Variants in ARAP2 observed in about 807,000 individuals in gnomAD.
ARAP2 encodes the protein arf-GAP with Rho-GAP domain, ANK repeat and PH domain-containing protein 2.
ARAP2 carries 148 observed loss-of-function variants against 194.5 expected under a neutral mutation model. That is an observed-to-expected ratio of 0.76 (90% confidence interval 0.67 to 0.87). The LOEUF (loss-of-function observed/expected upper bound fraction) is 0.87. ARAP2 is among the 40% of genes least tolerant of loss of function. ARAP2 has a pLI of 0.00. For missense variants in ARAP2, 2,128 were observed against 1,989.7 expected (o/e 1.07, Z -1.32); for synonymous variants, 695 against 683.5 (o/e 1.02, Z -0.26).
intron 23 of ARAP2, 84 bp downstream of exon 23, chr4:36,121,095 T>A: frequency 1.9e-6 from 2 of 1,042,768 alleles, no homozygotes; most frequent in Middle Eastern, 2.8e-4. Context: ...AAGATCTGAA[T>A]AATAACACCC....
intron 7 of ARAP2, among the ~76,000 whole-genome samples, chr4:36,190,409 A>G (rs1168914017): frequency 6.6e-6 from 1 of 152,202 alleles, no homozygotes; most frequent in Non-Finnish European, 1.5e-5. Flanking sequence ...ACCACCTTTC[A>G]TGTAGTTAAT....
At chr4:36,214,214 A>G (rs1294862625) in intron 3 of ARAP2, among the ~76,000 whole-genome samples, 5 of 152,212 alleles carry the variant, frequency 3.3e-5, no homozygotes, top group Non-Finnish European at 7.4e-5. Flanking sequence ...TTACATTAGC[A>G]TGTACAAATT....
chr4:36,228,384 C>T (rs945000259), intron 2 of ARAP2, among the ~76,000 whole-genome samples, 198 bp downstream of exon 2: 3 of 152,058 alleles, frequency 2.0e-5, no homozygotes, highest in African/African-American at 7.2e-5. Context: ...GCTAAAGAGT[C>T]CCAGGCATTA....
At chr4:36,057,614 T>C (rs549193923) in intron 2 of ARAP2, among the ~76,000 whole-genome samples, 7 of 152,230 alleles carry the variant, frequency 4.6e-5, no homozygotes, top group Non-Finnish European at 1.0e-4. Context: ...TAACCGTTGG[T>C]GCATGTCAAT....
At chr4:36,129,602 A>C (rs958774242) in intron 20 of ARAP2, among the ~76,000 whole-genome samples, 2 of 151,628 alleles carry the variant, frequency 1.3e-5, no homozygotes, top group Non-Finnish European at 2.9e-5. Context: ...TCATAATTTC[A>C]TATCTCTTTT....
At chr4:36,116,449 A>T (rs1356475867) in intron 25 of ARAP2, among the ~76,000 whole-genome samples, 1 of 151,916 alleles carries the variant, frequency 6.6e-6, no homozygotes, top group Non-Finnish European at 1.5e-5. Context: ...ATATAGTAGC[A>T]TGTCAAACAT....
At chr4:36,196,315 G>T (rs1743101836) in intron 6 of ARAP2, among the ~76,000 whole-genome samples, 2 of 152,166 alleles carry the variant, frequency 1.3e-5, no homozygotes, top group Admixed American at 1.3e-4. Context: ...GAGGGGAAGA[G>T]GGAGGGCCGA....
intron 20 of ARAP2, 102 bp from the exon 21 acceptor site, chr4:36,128,847 A>G: frequency 1.1e-6 from 1 of 921,472 alleles, no homozygotes; most frequent in Non-Finnish European, 1.6e-6. Context: ...CGAGAAGATG[A>G]TGAAATCATT....
rs78952938 is a variant in ARAP2, at chr4:36,161,395, A to T, written c.2259+70T>A. 211 of 1,331,186 alleles carry T rather than the reference A, an allele frequency of 1.6e-4. No homozygotes were observed. In the African/African-American group the frequency reaches 2.7e-3, roughly 17 times the overall value. The allele number at this position is 1,331,186 out of a possible 1,614,324, so 82.5% of individuals were successfully genotyped here. The stretch of plus-strand genomic sequence containing the variant: ...AAAAATTCCTGCCACCCAAACCCAC[A>T]GCAAACCTCCTCCCAGTCTCTGCAA... On this transcript the variant is annotated intron_variant, in intron 12 of 32. Coordinates refer to ENST00000303965, the MANE Select transcript of ARAP2 (RefSeq NM_015230.4).
At chr4:36,198,560 C>G (rs941786357) in intron 6 of ARAP2, among the ~76,000 whole-genome samples, 1 of 152,214 alleles carries the variant, frequency 6.6e-6, no homozygotes, top group African/African-American at 2.4e-5. Context: ...TCAGCGCTTC[C>G]TTGGCTTTCC....
intron 2 of ARAP2, among the ~76,000 whole-genome samples, chr4:36,217,240 G>A (rs902032103): frequency 1.1e-4 from 16 of 152,202 alleles, no homozygotes; most frequent in African/African-American, 3.9e-4. Context: ...AGCCAAGCAT[G>A]GTGGCTCACA....
chr4:36,015,447 C>A (rs1226292396), exon 8 of ARAP2: 1 of 152,208 alleles, frequency 6.6e-6, no homozygotes, highest in Non-Finnish European at 1.5e-5. Context: ...TCTTTGGGAT[C>A]ATTCAGGCAG....
At chr4:36,170,595 C>A (rs1736389962) in intron 9 of ARAP2, among the ~76,000 whole-genome samples, 2 of 152,216 alleles carry the variant, frequency 1.3e-5, no homozygotes, top group Admixed American at 6.5e-5. Flanking sequence ...TGGGTGCCAA[C>A]TCCTGCATTA....
chr4:36,225,925 C>T (rs1023018093), intron 2 of ARAP2, among the ~76,000 whole-genome samples: 5 of 152,044 alleles, frequency 3.3e-5, no homozygotes, highest in Non-Finnish European at 4.4e-5. Flanking sequence ...GAGAAACTCA[C>T]GTTACATAAC....
At chr4:36,138,043 T>A (rs1159695692) in intron 19 of ARAP2, among the ~76,000 whole-genome samples, 2 of 151,728 alleles carry the variant, frequency 1.3e-5, no homozygotes, top group Non-Finnish European at 2.9e-5. Context: ...ATCCTAGGCA[T>A]GTTGGAAATG....
At chr4:36,080,342 C>G (rs933871804) in intron 30 of ARAP2, 63 bp from the exon 31 acceptor site, 1 of 1,347,810 alleles carries the variant, frequency 7.4e-7, no homozygotes, top group Non-Finnish European at 1.1e-6. Context: ...TCTAGTGTAT[C>G]TGCTGAGTGA....
At chr4:36,076,980 T>C (rs1228058019) in intron 31 of ARAP2, among the ~76,000 whole-genome samples, 1 of 152,136 alleles carries the variant, frequency 6.6e-6, no homozygotes, top group African/African-American at 2.4e-5. Flanking sequence ...AAGAAGGAAT[T>C]ACTAAGCAGA....
At chr4:36,013,987 G>A (rs1715049629) in intron 8 of ARAP2, among the ~76,000 whole-genome samples, 1 of 151,988 alleles carries the variant, frequency 6.6e-6, no homozygotes, top group South Asian at 2.1e-4. Flanking sequence ...AATCCTTTGG[G>A]AGGCTGAGGC....
In ARAP2 at chr4:36,148,734, G is replaced by A. The variant is rs565766183; in HGVS notation, c.2898-227C>T. On this transcript the variant is annotated intron_variant, in intron 16 of 32. Transcript: ENST00000303965. ...TGTATAATCATTTAATCATTCTATT[G>A]TATAACTTTGTTTATGCCCTGGACA... Among the ~76,000 whole-genome samples, 51 of 152,202 alleles carry A rather than the reference G, an allele frequency of 3.4e-4. 1 individual carries two copies. The Middle Eastern group carries it at 0.01, about 30-fold the overall frequency.
Sources: gnomAD v4.1 joint callset for allele counts (sites outside exome capture counted in the v4.1 genomes callset) on GRCh38, gnomAD v4.1.1 for gene constraint, MANE v1.5 for transcripts, NCBI Gene and HGNC (gene_info 2026-07-23, HGNC 2026-07-21) for gene names.